Variants in PTPRR observed in about 807,000 individuals in gnomAD.
The protein encoded by PTPRR is receptor-type tyrosine-protein phosphatase R.
PTPRR carries 38 observed loss-of-function variants against 77.2 expected under a neutral mutation model. The observed-to-expected ratio is 0.49, with a 90% CI of 0.38 to 0.65. The LOEUF is 0.65. PTPRR is among the 30% of genes least tolerant of loss of function. The pLI is 0.00. For missense variants in PTPRR, 744 were observed against 799.2 expected, an observed-to-expected ratio of 0.93 and a Z score of 0.83; for synonymous variants, 299 against 283.1, an observed-to-expected ratio of 1.06 and a Z score of -0.57.
intron 4 of PTPRR, among the ~76,000 whole-genome samples, chr12:70,758,998 C>A (rs1468562319): frequency 6.6e-6 from 1 of 152,048 alleles, no homozygotes; most frequent in African/African-American, 2.4e-5. Context: ...GCAGTGGCCT[C>A]ATCATAGCTC....
intron 2 of PTPRR, among the ~76,000 whole-genome samples, chr12:70,809,949 T>C (rs1395180338): frequency 6.6e-6 from 1 of 152,226 alleles, no homozygotes; most frequent in Non-Finnish European, 1.5e-5. Flanking sequence ...AGAATGTTGC[T>C]GAGCCAGTTT....
At chr12:70,696,847 T>C (rs1262660476) in intron 8 of PTPRR, among the ~76,000 whole-genome samples, 1 of 152,176 alleles carries the variant, frequency 6.6e-6, no homozygotes, top group African/African-American at 2.4e-5. Flanking sequence ...TTCATATAAA[T>C]GGACTACAAA....
chr12:70,674,087 C>A (rs999661578), intron 10 of PTPRR, among the ~76,000 whole-genome samples: 2 of 151,992 alleles, frequency 1.3e-5, no homozygotes, highest in African/African-American at 4.8e-5. Context: ...GTGCGCACCA[C>A]CACCCCTGGC....
chr12:70,788,974 G>A, intron 2 of PTPRR: 2 of 1,169,198 alleles, frequency 1.7e-6, no homozygotes, highest in Admixed American at 3.4e-5. Flanking sequence ...TAACCGCCTG[G>A]TACTGTTTCT....
chr12:70,890,396 C>T lies in PTPRR; in HGVS notation c.357+2283G>A, dbSNP rs539984951. On this transcript the variant is annotated intron_variant, in intron 2 of 13. Transcript: ENST00000283228. The stretch of plus-strand genomic sequence containing the variant: ...ATAAATGCTCTTATGAAATGCTTTG[C>T]GGTGGCAATTGGGAATCAGGAAGGG... Among the ~76,000 whole-genome samples the T allele has an allele frequency of 8.6e-4, 131 of 152,142 alleles. 2 individuals are homozygous for T. Among genetic ancestry groups the T allele is most frequent in the Non-Finnish European group, 1.0e-3 (70 of 68,002 alleles).
At chr12:70,705,166 T>A (rs941907513) in intron 6 of PTPRR, among the ~76,000 whole-genome samples, 1 of 152,264 alleles carries the variant, frequency 6.6e-6, no homozygotes, top group Admixed American at 6.5e-5. Flanking sequence ...GACACATCCA[T>A]TTCAGCAAGA....
intron 2 of PTPRR, among the ~76,000 whole-genome samples, chr12:70,815,248 T>G (rs1891882679): frequency 6.6e-6 from 1 of 151,708 alleles, no homozygotes; most frequent in Non-Finnish European, 1.5e-5. Flanking sequence ...AAGGGATTGG[T>G]AAGCTTGAAG....
In PTPRR at chr12:70,761,465, A is replaced by G. The variant is rs200140271; in HGVS notation, c.627+6T>C. 9.6e-4 allele frequency: 1,514 copies of G among 1,584,872 alleles called. No homozygotes were observed. Among genetic ancestry groups the G allele is most frequent in the Non-Finnish European group, 1.2e-3 (1,421 of 1,166,114 alleles). On this transcript the variant is annotated splice_donor_region_variant and intron_variant, in intron 4 of 13. Coordinates refer to ENST00000283228, the MANE Select transcript of PTPRR (RefSeq NM_002849.4). ...TTTAAATGAATTGTTTCGTGCAACA[A>G]CATACCTCAGGAGAGACTTCTGTAA...
At chr12:70,696,431 G>A (rs1206815233) in intron 8 of PTPRR, among the ~76,000 whole-genome samples, 1 of 152,118 alleles carries the variant, frequency 6.6e-6, no homozygotes, top group Non-Finnish European at 1.5e-5. Context: ...ACATATAGTA[G>A]TGGTTCTCAA....
intron 2 of PTPRR, among the ~76,000 whole-genome samples, chr12:70,859,921 T>G (rs564538911): frequency 6.6e-6 from 1 of 152,226 alleles, no homozygotes; most frequent in South Asian, 2.1e-4. Context: ...TCATAGCTTA[T>G]TTTTTCCTTT....
At chr12:70,803,395 T>G (rs2137022513) in intron 2 of PTPRR, among the ~76,000 whole-genome samples, 1 of 152,226 alleles carries the variant, frequency 6.6e-6, no homozygotes, top group Middle Eastern at 3.4e-3. Flanking sequence ...CAATACCAAG[T>G]CAATATGTCC....
chr12:70,795,913 A>ATTTTTT (rs71437157), intron 2 of PTPRR, among the ~76,000 whole-genome samples: 20,321 of 88,260 alleles, frequency 0.23, 8,185 homozygotes, highest in Middle Eastern at 0.32. Flanking sequence ...TATTTAGTAG[A>ATTTTTT]TTTTTTTTTT....
chr12:70,915,429 G>T (rs1003199745), intron 1 of PTPRR, among the ~76,000 whole-genome samples: 1 of 152,146 alleles, frequency 6.6e-6, no homozygotes, highest in Non-Finnish European at 1.5e-5. Flanking sequence ...CTAGAAATAT[G>T]TCATCTCCAA....
intron 2 of PTPRR, among the ~76,000 whole-genome samples, chr12:70,797,016 T>TA (rs994751612): frequency 1.6e-4 from 25 of 152,090 alleles, no homozygotes; most frequent in African/African-American, 5.3e-4. Context: ...AGACTCTGTC[T>TA]AAAAAAAATT....
intron 2 of PTPRR, among the ~76,000 whole-genome samples, chr12:70,875,037 T>A (rs990989027): frequency 6.6e-6 from 1 of 151,518 alleles, no homozygotes; most frequent in Non-Finnish European, 1.5e-5. Flanking sequence ...ATTATTCATA[T>A]GGCCAAAAAT....
chr12:70,650,547 T>C (rs961955034), intron 13 of PTPRR, among the ~76,000 whole-genome samples: 3 of 152,078 alleles, frequency 2.0e-5, no homozygotes, highest in Non-Finnish European at 4.4e-5. Context: ...TAGGAGGCTC[T>C]CAGTAAATAA....
At chr12:70,803,581 A>G (rs1891655260) in intron 2 of PTPRR, among the ~76,000 whole-genome samples, 1 of 152,194 alleles carries the variant, frequency 6.6e-6, no homozygotes, top group Non-Finnish European at 1.5e-5. Context: ...CTTCCCATAC[A>G]GTTCCCATAG....
rs562575297 is a variant in PTPRR, at chr12:70,671,867, C to A, written c.1498-9262G>T. On this transcript the variant is annotated intron_variant, in intron 10 of 13. Coordinates refer to ENST00000283228, the MANE Select transcript of PTPRR (RefSeq NM_002849.4). ...CACCTGCTGTCCTTGACCTCTGGCCCCACAAGCACTAACCCAGCGCAGGAG... is the reference window on the plus strand; with the variant it reads ...CACCTGCTGTCCTTGACCTCTGGCCACACAAGCACTAACCCAGCGCAGGAG... The A allele has an allele frequency of 1.4e-5, 9 of 634,840 alleles. No individual in the cohort carries two copies. In the African/African-American group the frequency reaches 1.6e-4, roughly 12 times the overall value. The allele number at this position is 634,840 out of a possible 1,614,324, so 39.3% of individuals were successfully genotyped here. A position where few individuals can be genotyped will look rare whatever the true frequency, so the allele number is the denominator to read the frequency against.
At chr12:70,689,500 C>T (rs2136750008) in intron 8 of PTPRR, among the ~76,000 whole-genome samples, 1 of 152,214 alleles carries the variant, frequency 6.6e-6, no homozygotes, top group East Asian at 1.9e-4. Flanking sequence ...TATCTTTTTC[C>T]TCCAAGGGGT....
Sources: gnomAD v4.1 joint callset for allele counts (sites outside exome capture counted in the v4.1 genomes callset) on GRCh38, gnomAD v4.1.1 for gene constraint, MANE v1.5 for transcripts, NCBI Gene and HGNC (gene_info 2026-07-23, HGNC 2026-07-21) for gene names.